HERPUD2: variants seen among roughly 807,000 people sequenced by gnomAD.
HERPUD2 encodes the protein HERPUD family member 2.
In HERPUD2, 13 loss-of-function variants were observed where a neutral mutation model predicts 49.9. That is an observed-to-expected ratio of 0.26 (90% CI 0.17 to 0.41). The LOEUF (loss-of-function observed/expected upper bound fraction) is 0.41. Ranked by LOEUF, HERPUD2 falls within the 10% of genes least tolerant of loss-of-function variation. The pLI is 1.00. For synonymous variants in HERPUD2, 172 were observed against 171.4 expected (o/e 1.00, Z -0.03); for missense variants, 449 against 492.2 (o/e 0.91, Z 0.83).
intron 2 of HERPUD2, among the ~76,000 whole-genome samples, chr7:35,685,005 C>T (rs561046842): frequency 6.6e-6 from 1 of 152,208 alleles, no homozygotes; most frequent in Middle Eastern, 3.4e-3. Context: ...CTTTGGGAGG[C>T]CAAAACAGAT....
chr7:35,674,285 T>G (rs1261204244), intron 2 of HERPUD2, among the ~76,000 whole-genome samples: 1 of 150,648 alleles, frequency 6.6e-6, no homozygotes, highest in African/African-American at 2.4e-5. Context: ...GGAAGCATTT[T>G]GGAGTGTGCC....
chr7:35,636,037 A>G (rs1391466210), intron 6 of HERPUD2, among the ~76,000 whole-genome samples: 1 of 152,246 alleles, frequency 6.6e-6, no homozygotes, highest in Non-Finnish European at 1.5e-5. Context: ...TTGTCAAGTT[A>G]GAAAGAATTG....
At chr7:35,686,656 T>C (rs1447363306) in intron 2 of HERPUD2, among the ~76,000 whole-genome samples, 1 of 102,550 alleles carries the variant, frequency 9.8e-6, no homozygotes, top group Non-Finnish European at 1.9e-5. Context: ...GAGGCGGAGC[T>C]TGCAGTGAGC....
At chr7:35,650,105 G>A (rs1020295685) in intron 5 of HERPUD2, among the ~76,000 whole-genome samples, 2 of 152,086 alleles carry the variant, frequency 1.3e-5, no homozygotes, top group African/African-American at 4.8e-5. Flanking sequence ...CTTCATGACG[G>A]CTAACTAGAG....
intron 6 of HERPUD2, among the ~76,000 whole-genome samples, chr7:35,635,975 C>T (rs899835297): frequency 3.3e-5 from 5 of 152,140 alleles, no homozygotes; most frequent in African/African-American, 7.2e-5. Flanking sequence ...AGATAACAAC[C>T]CTTCCACCCC....
chr7:35,651,733 G>GA (rs1020882860), intron 5 of HERPUD2, among the ~76,000 whole-genome samples: 23 of 147,478 alleles, frequency 1.6e-4, no homozygotes, highest in South Asian at 2.1e-4. Context: ...GGATTCCAGT[G>GA]AAAAAAAAAA....
At chr7:35,645,607 T>C (rs1217884286) in intron 5 of HERPUD2, among the ~76,000 whole-genome samples, 2 of 152,126 alleles carry the variant, frequency 1.3e-5, no homozygotes, top group South Asian at 2.1e-4. Flanking sequence ...AAATGATGTA[T>C]AACAGGTCCT....
At chr7:35,659,844 T>C (rs1362033032) in intron 5 of HERPUD2, among the ~76,000 whole-genome samples, 2 of 152,164 alleles carry the variant, frequency 1.3e-5, no homozygotes, top group Admixed American at 1.3e-4. Context: ...CTTTTTTTTC[T>C]TTTTTCCTGT....
chr7:35,641,417 C>G (rs1784965787), intron 5 of HERPUD2, among the ~76,000 whole-genome samples: 1 of 152,108 alleles, frequency 6.6e-6, no homozygotes, highest in East Asian at 1.9e-4. Flanking sequence ...TTTGTAGATT[C>G]AATGCAATCC....
intron 5 of HERPUD2, among the ~76,000 whole-genome samples, chr7:35,642,422 A>G (rs570738439): frequency 1.2e-4 from 19 of 152,162 alleles, no homozygotes; most frequent in Non-Finnish European, 2.6e-4. Flanking sequence ...AGAGCTAAAA[A>G]CAGAACTACC....
At chr7:35,658,565 C>T (rs1033199468) in intron 5 of HERPUD2, among the ~76,000 whole-genome samples, 1 of 152,182 alleles carries the variant, frequency 6.6e-6, no homozygotes, top group South Asian at 2.1e-4. Flanking sequence ...ATGATCATCA[C>T]ATGAACTCCA....
chr7:35,693,466 G>GT (rs1409063114), intron 2 of HERPUD2, among the ~76,000 whole-genome samples: 1 of 151,996 alleles, frequency 6.6e-6, no homozygotes, highest in African/African-American at 2.4e-5. Flanking sequence ...TTCAATTTCT[G>GT]TTTAAGTTTC....
intron 5 of HERPUD2, among the ~76,000 whole-genome samples, chr7:35,646,975 G>GA (rs928587255): frequency 1.3e-4 from 19 of 144,000 alleles, no homozygotes; most frequent in South Asian, 6.5e-4. Context: ...TAGAAATTAT[G>GA]AAAAAAAAAC....
chr7:35,682,283 ACACACGTGTGTGTGTG>A (rs1785915399), intron 2 of HERPUD2, among the ~76,000 whole-genome samples: 1 of 35,836 alleles, frequency 2.8e-5, no homozygotes, highest in African/African-American at 1.1e-4. Flanking sequence ...ATATACACAT[ACACACGTGTGTGTGTG>A]TATATATAGA....
intron 5 of HERPUD2, among the ~76,000 whole-genome samples, chr7:35,655,005 C>T (rs1243623348): frequency 1.3e-5 from 2 of 152,162 alleles, no homozygotes; most frequent in East Asian, 3.8e-4. Flanking sequence ...TAGGCATGCA[C>T]CACGACGCCC....
intron 2 of HERPUD2, among the ~76,000 whole-genome samples, chr7:35,690,919 T>C (rs1368543919): frequency 1.3e-5 from 2 of 152,238 alleles, no homozygotes. Context: ...GTGAATCTTT[T>C]CTTGAAACAG....
intron 3 of HERPUD2, among the ~76,000 whole-genome samples, chr7:35,671,404 A>G (rs1240788934): frequency 6.6e-6 from 1 of 152,038 alleles, no homozygotes; most frequent in Non-Finnish European, 1.5e-5. Flanking sequence ...GGCTTCAGAG[A>G]CAGCATGACA....
chr7:35,645,775 T>C (rs937580041), intron 5 of HERPUD2, among the ~76,000 whole-genome samples: 1 of 152,250 alleles, frequency 6.6e-6, no homozygotes, highest in East Asian at 1.9e-4. Context: ...AACACACATA[T>C]ACACATGCAC....
chr7:35,676,249 T>A (rs1347516780), intron 2 of HERPUD2, among the ~76,000 whole-genome samples: 1 of 152,358 alleles, frequency 6.6e-6, no homozygotes, highest in Non-Finnish European at 1.5e-5. Context: ...AACTTTCCAG[T>A]CTGATTAGGC....
Sources: gnomAD v4.1 joint callset for allele counts (sites outside exome capture counted in the v4.1 genomes callset) on GRCh38, gnomAD v4.1.1 for gene constraint, MANE v1.5 for transcripts, NCBI Gene and HGNC (gene_info 2026-07-23, HGNC 2026-07-21) for gene names.